CNTNAP3: variants seen among roughly 807,000 people sequenced by gnomAD.
The protein encoded by CNTNAP3 is contactin associated protein family member 3.
CNTNAP3 carries 36 observed loss-of-function variants against 92.1 expected under a neutral mutation model. The ratio of observed to expected loss-of-function variants is 0.39; its 90% CI spans 0.30 to 0.52. The LOEUF is 0.52. Among genes scored for constraint, CNTNAP3 ranks in the 20% least tolerant of loss-of-function variants. The pLI, the probability that CNTNAP3 is intolerant of heterozygous loss-of-function variation, is 0.76. For missense variants in CNTNAP3, 534 were observed against 1,069.6 expected, an observed-to-expected ratio of 0.50 and a Z score of 6.98; for synonymous variants, 232 against 422.3, an observed-to-expected ratio of 0.55 and a Z score of 5.53.
chr9:39,087,038 T>TTAATG (rs1826076767), intron 19 of CNTNAP3, among the ~76,000 whole-genome samples, 189 bp from the exon 20 acceptor site: 1 of 152,068 alleles, frequency 6.6e-6, no homozygotes, highest in South Asian at 2.1e-4. Flanking sequence ...TGTGCCAGAC[T>TTAATG]CTGAGTCCAA....
chr9:39,077,413 C>A (rs1031834445), intron 23 of CNTNAP3, among the ~76,000 whole-genome samples: 7 of 137,788 alleles, frequency 5.1e-5, no homozygotes, highest in African/African-American at 1.9e-4. Flanking sequence ...AAAAAATAGC[C>A]AGGCGTGGTG....
At position 39,089,380 on chromosome 9, in the gene CNTNAP3, C is replaced by T. The variant is rs1223879904; in HGVS notation, c.2996-733G>A. Among the ~76,000 whole-genome samples, 3 of 119,994 alleles carry T rather than the reference C, an allele frequency of 2.5e-5. No individual in the cohort carries two copies. The Admixed American group carries it at 2.6e-4, about 10-fold the overall frequency. The allele number at this position is 119,994 out of a possible 152,430, so 78.7% of individuals were successfully genotyped here. A position where few individuals can be genotyped will look rare whatever the true frequency, so the allele number is the denominator to read the frequency against. On this transcript the variant is annotated intron_variant, in intron 18 of 23. Transcript: ENST00000297668. ...GGTTCATCCATCTTGTAGCATGTAT[C>T]AGTATTTTATGCGTTTTATTGACTA...
At chr9:39,123,654 C>A (rs936849163) in intron 13 of CNTNAP3, among the ~76,000 whole-genome samples, 1 of 151,908 alleles carries the variant, frequency 6.6e-6, no homozygotes, top group African/African-American at 2.4e-5. Context: ...AAAATAAAAT[C>A]TTTTAAAAAT....
rs535303462 is a variant in CNTNAP3, at chr9:39,124,390, A to C, written c.2081-6131T>G. 1.4e-4 allele frequency among the ~76,000 whole-genome samples: 21 copies of C among 152,278 alleles called. No individual in the cohort carries two copies. In the East Asian group the frequency reaches 3.7e-3, roughly 27 times the overall value. ...GAAAAAAAGAAGAAACAAGGGCAACAAATAAAAAAGAGTTACAATATGGCA... is the reference window on the plus strand; with the variant it reads ...GAAAAAAAGAAGAAACAAGGGCAACCAATAAAAAAGAGTTACAATATGGCA... On this transcript the variant is annotated intron_variant, in intron 13 of 23. Coordinates refer to ENST00000297668, the MANE Select transcript of CNTNAP3 (RefSeq NM_033655.5).
At position 39,122,157 on chromosome 9, in the gene CNTNAP3, A is replaced by G. The variant is rs1821041547; in HGVS notation, c.2081-3898T>C. On this transcript the variant is annotated intron_variant, in intron 13 of 23. Coordinates refer to ENST00000297668, the MANE Select transcript of CNTNAP3 (RefSeq NM_033655.5). ...ATCATGAGGTCAGGAGATCGAGACC[A>G]TCCTGGCTAACATGGTGAAACCCCG... 2.0e-5 allele frequency among the ~76,000 whole-genome samples: 3 copies of G among 152,278 alleles called. No individual in the cohort carries two copies. The South Asian group carries it at 6.2e-4, about 32-fold the overall frequency.
intron 9 of CNTNAP3, among the ~76,000 whole-genome samples, chr9:39,161,963 G>C (rs990338780): frequency 3.3e-5 from 4 of 121,096 alleles, no homozygotes; most frequent in Non-Finnish European, 6.3e-5. Flanking sequence ...CAACGACACC[G>C]AAAACATTGC....
chr9:39,135,895 C>T (rs531084638), intron 12 of CNTNAP3, among the ~76,000 whole-genome samples: 3 of 151,634 alleles, frequency 2.0e-5, no homozygotes, highest in African/African-American at 7.3e-5. Context: ...TTTGGGAGGC[C>T]GAGGCAGGCA....
chr9:39,137,794 G>A (rs188846997), intron 12 of CNTNAP3, among the ~76,000 whole-genome samples: 2 of 152,128 alleles, frequency 1.3e-5, no homozygotes, highest in Non-Finnish European at 2.9e-5. Flanking sequence ...GATTACAGGC[G>A]TGAGCCACCG....
chr9:39,142,451 T>C (rs1821600011), intron 11 of CNTNAP3, among the ~76,000 whole-genome samples: 1 of 152,014 alleles, frequency 6.6e-6, no homozygotes, highest in Non-Finnish European at 1.5e-5. Context: ...GGCAGGTGGA[T>C]CACAAGGTCA....
At chr9:39,150,764 A>C (rs1351223877) in intron 9 of CNTNAP3, among the ~76,000 whole-genome samples, 1 of 89,246 alleles carries the variant, frequency 1.1e-5, no homozygotes, top group Non-Finnish European at 2.2e-5. Context: ...TTAAATATTA[A>C]AAGTTTCACT....
chr9:39,119,516 C>A (rs992686631), intron 13 of CNTNAP3, among the ~76,000 whole-genome samples: 1 of 152,096 alleles, frequency 6.6e-6, no homozygotes, highest in African/African-American at 2.4e-5. Context: ...CCGACTTCAC[C>A]ATTAAACTGT....
At chr9:39,134,379 T>G (rs1239346877) in intron 12 of CNTNAP3, among the ~76,000 whole-genome samples, 4 of 150,442 alleles carry the variant, frequency 2.7e-5, no homozygotes, top group Non-Finnish European at 5.9e-5. Context: ...ATTCCATGGG[T>G]TCTTCCTTTA....
chr9:39,085,627 C>T (rs1826046988), intron 21 of CNTNAP3, 109 bp downstream of exon 21: 4 of 880,692 alleles, frequency 4.5e-6, no homozygotes, highest in Admixed American at 3.9e-5. Flanking sequence ...TTGTCACTCA[C>T]TGTGAAATTA....
rs12235270 is a variant in CNTNAP3 at position 39,117,252 on chromosome 9, A to G, written c.2237+851T>C. Among the ~76,000 whole-genome samples the G allele has an allele frequency of 9.2e-5, 14 of 152,002 alleles. No individual in the cohort carries two copies. The East Asian group carries it at 2.7e-3, about 29-fold the overall frequency. ...GGTGATCCACCTGCCTTGGCCTCCC[A>G]AAGTGCTGTGATTACAGGCGTGAGC... is the stretch of plus-strand genomic sequence containing the variant. On this transcript the variant is annotated intron_variant, in intron 14 of 23. Transcript: ENST00000297668.
At chr9:39,142,294 G>A (rs185162547) in intron 11 of CNTNAP3, among the ~76,000 whole-genome samples, 229 of 152,286 alleles carry the variant, frequency 1.5e-3, no homozygotes, top group Non-Finnish European at 2.6e-3. Context: ...ATACACAGAA[G>A]TAAAAGATGT....
chr9:39,153,967 C>G (rs1425738143), intron 9 of CNTNAP3: 1 of 172,578 alleles, frequency 5.8e-6, no homozygotes, highest in Admixed American at 6.4e-5. Context: ...TTCCATTTAT[C>G]TGGCATCAGG....
intron 20 of CNTNAP3, chr9:39,086,044 C>T (rs1338993108): frequency 3.3e-6 from 2 of 610,620 alleles, no homozygotes; most frequent in Admixed American, 3.0e-5. Context: ...CCACGATGTA[C>T]CCACTTGCTG....
At chr9:39,076,290 C>A (rs1446287891) in intron 23 of CNTNAP3, among the ~76,000 whole-genome samples, 4 of 152,300 alleles carry the variant, frequency 2.6e-5, no homozygotes, top group African/African-American at 7.2e-5. Flanking sequence ...GGAAACCTAG[C>A]GTGAAAATGT....
intron 23 of CNTNAP3, among the ~76,000 whole-genome samples, chr9:39,075,404 T>G (rs1285747802): frequency 1.3e-5 from 2 of 151,350 alleles, no homozygotes. Context: ...TAGTGACAAA[T>G]GAAAGTAAAA....
Sources: allele counts gnomAD v4.1 joint callset (sites outside exome capture counted in the v4.1 genomes callset), GRCh38; gene constraint gnomAD v4.1.1; transcripts MANE v1.5; gene names NCBI Gene and HGNC (gene_info 2026-07-23, HGNC 2026-07-21).